CFLAR: variants seen among roughly 807,000 people sequenced by gnomAD.
The protein encoded by CFLAR is CASP8 and FADD like apoptosis regulator.
A neutral mutation model predicts 51.1 loss-of-function variants in CFLAR; 14 were observed. The ratio of observed to expected loss-of-function variants is 0.27; its 90% CI spans 0.18 to 0.43. The LOEUF (loss-of-function observed/expected upper bound fraction) is 0.43. Among genes scored for constraint, CFLAR ranks in the 20% least tolerant of loss-of-function variants. The pLI is 1.00. For missense variants in CFLAR, 390 were observed against 566.5 expected (o/e 0.69, Z 3.16); for synonymous variants, 210 against 211.6 (o/e 0.99, Z 0.06).
intron 5 of CFLAR, among the ~76,000 whole-genome samples, chr2:201,140,958 C>T (rs989085596): frequency 5.3e-5 from 8 of 151,992 alleles, no homozygotes; most frequent in Non-Finnish European, 1.0e-4. Flanking sequence ...TGCCCGGGTG[C>T]GGTGGCTCAT....
intron 8 of CFLAR, among the ~76,000 whole-genome samples, chr2:201,158,345 C>CA (rs1942518200): frequency 2.6e-5 from 4 of 152,256 alleles, no homozygotes; most frequent in Admixed American, 2.6e-4. Context: ...AGCATTTGTT[C>CA]TGTCCAAGCC....
intron 2 of CFLAR, 41 bp downstream of exon 2, chr2:201,130,187 G>GTC: frequency 3.4e-6 from 1 of 292,394 alleles, no homozygotes; most frequent in East Asian, 9.3e-5. Context: ...GGGTGGGAGG[G>GTC]AGTGAAGTGT....
At chr2:201,140,811 A>T (rs1281978475) in intron 5 of CFLAR, 1 of 159,578 alleles carries the variant, frequency 6.3e-6, no homozygotes, top group Non-Finnish European at 1.4e-5. Context: ...ACAATTGGAC[A>T]TTTTTTTCAC....
In CFLAR at chr2:201,133,112, G is replaced by C; in HGVS notation, c.365G>C (p.Arg122Pro). Residue 122 changes from arginine (R) to proline (P), a missense_variant, in exon 3 of 10, where the codon CGA becomes CCA. By Grantham distance (103) the Arg-to-Pro change is moderately radical. Around this residue, in one of 2 missense-constraint regions of CFLAR, gnomAD observed 103 missense variants for 202.9 expected, o/e 0.51. Coordinates refer to ENST00000309955, the MANE Select transcript of CFLAR (RefSeq NM_003879.7). ...TTCCTCATGAAGGATTACATGGGCC[G>C]AGGCAAGATAAGCAAGGAGAAGGTG... is the stretch of plus-strand genomic sequence containing the variant. Reference protein sequence around the residue: ...LIFLMKDYMGRGKISKEKSFL... With the variant: ...LIFLMKDYMGPGKISKEKSFL... 6.2e-7 allele frequency: 1 copy of C among 1,613,214 alleles called. No individual in the cohort carries two copies. The highest frequency in any genetic ancestry group is 8.5e-7 in the Non-Finnish European group (1 of 1,179,170).
In CFLAR at chr2:201,160,651, G is replaced by A; in HGVS notation, c.1013G>A (p.Arg338Lys). Reference protein sequence around the residue: ...HSGLPLHHIRRMFMGDSCPYL... With the variant: ...HSGLPLHHIRKMFMGDSCPYL... ...GGGCTCCCCCTGCATCACATCAGGA[G>A]GATGTTCATGGGAGATTCATGCCCT... is the stretch of plus-strand genomic sequence containing the variant. Residue 338 changes from arginine to lysine, a missense_variant, in exon 9 of 10, where the codon AGG (arginine) becomes AAG (lysine). Transcript: ENST00000309955. 1 of 1,614,138 alleles carries A rather than the reference G, an allele frequency of 6.2e-7. No homozygotes were observed. Among genetic ancestry groups the A allele is most frequent in the Non-Finnish European group, 8.5e-7 (1 of 1,180,020 alleles).
chr2:201,162,783 A>G (rs1461819458), intron 9 of CFLAR: 1 of 448,086 alleles, frequency 2.2e-6, no homozygotes, highest in Non-Finnish European at 4.1e-6. Flanking sequence ...ACCTGCTTTT[A>G]GTTTGTTTAA....
chr2:201,154,433 A>G lies in CFLAR; in HGVS notation c.793+4598A>G, dbSNP rs560981695. On this transcript the variant is annotated intron_variant, in intron 8 of 9. Coordinates refer to ENST00000309955, the MANE Select transcript of CFLAR (RefSeq NM_003879.7). ...GTGAGGAAGCTGAGCAGTGAACTAC[A>G]CTCCTACCTTCTCTAGTACTGATTG... 24 of 153,006 alleles carry G rather than the reference A, an allele frequency of 1.6e-4. No individual in the cohort carries two copies. In the South Asian group the frequency reaches 4.0e-3, roughly 26 times the overall value. 9.5% of individuals were successfully genotyped at this position (153,006 alleles called of 1,614,324 possible). A position where few individuals can be genotyped will look rare whatever the true frequency, so the allele number is the denominator to read the frequency against.
chr2:201,121,208 C>G (rs1287151399), intron 1 of CFLAR, among the ~76,000 whole-genome samples: 1 of 152,124 alleles, frequency 6.6e-6, no homozygotes, highest in African/African-American at 2.4e-5. Flanking sequence ...TTATTTTAAT[C>G]TGGTAAGTAA....
chr2:201,135,098 A>G (rs928621411), intron 3 of CFLAR, among the ~76,000 whole-genome samples: 5 of 152,248 alleles, frequency 3.3e-5, no homozygotes, highest in East Asian at 1.9e-4. Context: ...TCGTTCGTTC[A>G]TAATCACTGT....
chr2:201,148,755 C>T lies in CFLAR; in HGVS notation c.662-248C>T. 5 of 418,378 alleles carry T rather than the reference C, an allele frequency of 1.2e-5. No individual in the cohort carries two copies. The South Asian group carries it at 1.4e-4, about 12-fold the overall frequency. 25.9% of individuals were successfully genotyped at this position (418,378 alleles called of 1,614,324 possible). The stretch of plus-strand genomic sequence containing the variant: ...TCACCTAGAACGGGGTAGGGGAGAG[C>T]CTTCTTTCACTTGCTGTTTAAGCAG... On this transcript the variant is annotated intron_variant, in intron 6 of 9. Coordinates refer to ENST00000309955, the MANE Select transcript of CFLAR (RefSeq NM_003879.7).
At chr2:201,135,706 T>TACA (rs4034920) in intron 3 of CFLAR, among the ~76,000 whole-genome samples, 35,825 of 151,874 alleles carry the variant, frequency 0.24, 4,957 homozygotes, top group African/African-American at 0.38. Context: ...CACTGCTCAC[T>TACA]GCCTTGACCT....
In CFLAR at chr2:201,166,855, CG is replaced by C. The variant is rs1453250448; in HGVS notation, c.*2884del. ...GGCGGCGCCCGCAATGGCAGGCACG[CG>C]GCAGGCCGAGGCGGGAGAATCAGGC... On this transcript the variant is annotated 3_prime_UTR_variant, in exon 10 of 10. Transcript: ENST00000309955. 1 of 156,464 alleles carries C rather than the reference CG, an allele frequency of 6.4e-6. No individual in the cohort carries two copies. The highest frequency in any genetic ancestry group is 1.9e-4 in the East Asian group (1 of 5,324). 9.7% of individuals were successfully genotyped at this position (156,464 alleles called of 1,614,324 possible).
Position 201,138,703 on chromosome 2 carries a change from C to G in CFLAR, c.524-1654C>G. 1 of 828,924 alleles carries G rather than the reference C, an allele frequency of 1.2e-6. No individual in the cohort carries two copies. The allele number at this position is 828,924 out of a possible 1,614,324, so 51.3% of individuals were successfully genotyped here. A position where few individuals can be genotyped will look rare whatever the true frequency, so the allele number is the denominator to read the frequency against. ...ACAGTGTGCAAGGGGCTCAGCACCA[C>G]GGGGTGTGTGATAAAGCCCGGTTCA... On this transcript the variant is annotated intron_variant, in intron 4 of 9. Coordinates refer to ENST00000309955, the MANE Select transcript of CFLAR (RefSeq NM_003879.7). The surrounding 1 kb of genome is among the most constrained non-coding windows in gnomAD (Gnocchi z 4.0).
intron 1 of CFLAR, among the ~76,000 whole-genome samples, chr2:201,125,193 C>G (rs2048564204): frequency 6.6e-6 from 1 of 152,188 alleles, no homozygotes; most frequent in South Asian, 2.1e-4. Context: ...CCTTTTGCCT[C>G]AGATTCCAGT....
intron 8 of CFLAR, 78 bp from the exon 9 acceptor site, chr2:201,160,354 T>G: frequency 2.1e-6 from 3 of 1,439,680 alleles, no homozygotes; most frequent in Non-Finnish European, 2.8e-6. Context: ...TTAGACCATG[T>G]CTAGGATTCC....
intron 1 of CFLAR, among the ~76,000 whole-genome samples, chr2:201,122,323 A>G (rs1401198328): frequency 6.6e-6 from 1 of 152,238 alleles, no homozygotes; most frequent in African/African-American, 2.4e-5. Context: ...TAGCATTGTT[A>G]TCTCATGTAG....
chr2:201,160,880 G>A lies in CFLAR; in HGVS notation c.1242G>A (p.Glu414=). 1.9e-6 allele frequency: 3 copies of A among 1,612,590 alleles called. No homozygotes were observed. Among genetic ancestry groups the A allele is most frequent in the East Asian group, 2.2e-5 (1 of 44,846 alleles). Reference sequence around the variant, plus strand: ...GTACTGCGGACATGTCCCTGCTGGAGCAGTCTCACAGCTCACCATCCCTGT... The same window carrying A: ...GTACTGCGGACATGTCCCTGCTGGAACAGTCTCACAGCTCACCATCCCTGT... ...SLCTADMSLL[E]QSHSSPSLYL... The change falls in exon 9 of 10, where the codon GAG becomes GAA. Residue 414 remains glutamate, a synonymous_variant. Coordinates refer to ENST00000309955, the MANE Select transcript of CFLAR (RefSeq NM_003879.7).
rs1426366300 is a variant in CFLAR, at chr2:201,167,376, G to C, written c.*3403G>C. ...AAAATTTAGCTGAGCGTGGTGGCGT[G>C]TTCCTGTAGTCCCAGCTACTTGGGA... is the stretch of plus-strand genomic sequence containing the variant. On this transcript the variant is annotated 3_prime_UTR_variant, in exon 10 of 10. Transcript: ENST00000309955. The C allele has an allele frequency of 6.6e-6, 1 of 152,358 alleles. No homozygotes were observed. Among genetic ancestry groups the C allele is most frequent in the Non-Finnish European group, 1.5e-5 (1 of 68,254 alleles). 9.4% of individuals were successfully genotyped at this position (152,358 alleles called of 1,614,324 possible). A position where few individuals can be genotyped will look rare whatever the true frequency, so the allele number is the denominator to read the frequency against.
intron 8 of CFLAR, among the ~76,000 whole-genome samples, chr2:201,154,906 T>C (rs1214179527): frequency 6.6e-6 from 1 of 152,276 alleles, no homozygotes; most frequent in Non-Finnish European, 1.5e-5. Context: ...AGCTGTGTTG[T>C]GCATGAAATA....
Sources: gnomAD v4.1 joint callset for allele counts (sites outside exome capture counted in the v4.1 genomes callset) on GRCh38, gnomAD v4.1.1 for gene constraint, gnomAD v4.1.1 regional missense constraint, Gnocchi (gnomAD v3.1) non-coding constraint, MANE v1.5 for transcripts, NCBI Gene and HGNC (gene_info 2026-07-23, HGNC 2026-07-21) for gene names.